The following PLCH2 variants were observed in gnomAD, a reference collection of about 807,000 sequenced individuals.
The protein encoded by PLCH2 is phospholipase C eta 2.
In PLCH2, 98 loss-of-function variants were observed where a neutral mutation model predicts 134.7. That is an observed-to-expected ratio of 0.73 (90% confidence interval 0.62 to 0.86). PLCH2 has a LOEUF of 0.86. PLCH2 is among the 40% of genes least tolerant of loss of function. The pLI is 0.00. For missense variants in PLCH2, 1,994 were observed against 1,986.6 expected (o/e 1.00, Z -0.07); for synonymous variants, 974 against 827.5 (o/e 1.18, Z -3.04).
rs1639603152 is a variant in PLCH2 at position 2,439,779 on chromosome 1, G to T, written c.115+9150G>T. Among the ~76,000 whole-genome samples the T allele has an allele frequency of 6.6e-6, 1 of 152,142 alleles. No individual in the cohort carries two copies. The highest frequency in any genetic ancestry group is 2.4e-5 in the African/African-American group (1 of 41,428). Reference sequence around the variant, plus strand: ...GGGAGAGCCCGTCAGAGTCCAGCTGGATTCTTCTCCACTGAGGAAAGGCAT... The same window carrying T: ...GGGAGAGCCCGTCAGAGTCCAGCTGTATTCTTCTCCACTGAGGAAAGGCAT... On this transcript the variant is annotated intron_variant, in intron 2 of 3. Coordinates refer to the PLCH2 transcript ENST00000609981. This position sits in a 1 kb window ranked among gnomAD's most constrained non-coding sequence, Gnocchi z 4.7.
intron 4 of PLCH2, among the ~76,000 whole-genome samples, chr1:2,484,120 TTGTTG>T (rs1642165095): frequency 6.6e-6 from 1 of 151,844 alleles, no homozygotes; most frequent in African/African-American, 2.4e-5. Context: ...TGCGTGGGTG[TTGTTG>T]ACTCCCGTAT....
rs905935787 is a variant in PLCH2 at position 2,468,074 on chromosome 1, G to A, written c.43+412G>A. On this transcript the variant is annotated intron_variant, in intron 1 of 21. Coordinates refer to the PLCH2 transcript ENST00000449969. Reference sequence around the variant, plus strand: ...CCCAGCGGATGCACACTGCTCGGGTGGGGGGCAGGTCTGGGGGTGCCAGGG... The same window carrying A: ...CCCAGCGGATGCACACTGCTCGGGTAGGGGGCAGGTCTGGGGGTGCCAGGG... 2.0e-5 allele frequency among the ~76,000 whole-genome samples: 3 copies of A among 152,280 alleles called. No individual in the cohort carries two copies. The East Asian group carries it at 5.8e-4, about 29-fold the overall frequency.
At chr1:2,426,302 T>C (rs919896153) in intron 1 of PLCH2, among the ~76,000 whole-genome samples, 9 of 152,330 alleles carry the variant, frequency 5.9e-5, no homozygotes, top group Admixed American at 5.9e-4. Context: ...TGGGGAGCAG[T>C]GTCTATGGCC....
In PLCH2 at chr1:2,498,967, T is replaced by C; in HGVS notation, c.2435-117T>C. 1 of 1,419,252 alleles carries C rather than the reference T, an allele frequency of 7.0e-7. No individual in the cohort carries two copies. Among genetic ancestry groups the C allele is most frequent in the Non-Finnish European group, 9.6e-7 (1 of 1,036,430 alleles). The allele number at this position is 1,419,252 out of a possible 1,614,324, so 87.9% of individuals were successfully genotyped here. On this transcript the variant is annotated intron_variant, in intron 18 of 21. Transcript: ENST00000378486. This position sits in a 1 kb window ranked among gnomAD's most constrained non-coding sequence, Gnocchi z 5.4. ...GGCGCCCTCCCCTCTAGGTGGGCAGTCCCGGAAGCAGCACCGGGAGTGGCA... is the reference window on the plus strand; with the variant it reads ...GGCGCCCTCCCCTCTAGGTGGGCAGCCCCGGAAGCAGCACCGGGAGTGGCA...
intron 2 of PLCH2, among the ~76,000 whole-genome samples, chr1:2,433,242 T>C (rs535097655): frequency 6.6e-6 from 1 of 152,210 alleles, no homozygotes; most frequent in South Asian, 2.1e-4. Context: ...CAGTGTGCTG[T>C]GGTGTGGGTG....
intron 2 of PLCH2, among the ~76,000 whole-genome samples, chr1:2,453,901 C>T (rs1640361758): frequency 6.6e-6 from 1 of 152,118 alleles, no homozygotes; most frequent in Admixed American, 6.5e-5. Flanking sequence ...CTGGCCTGCG[C>T]CTGCCGAGTG....
chr1:2,442,945 C>T (rs931875937), intron 2 of PLCH2, among the ~76,000 whole-genome samples: 5 of 152,216 alleles, frequency 3.3e-5, no homozygotes, highest in African/African-American at 7.2e-5. Flanking sequence ...GGGGAACCGA[C>T]GAAGTGCCTG....
chr1:2,474,689 C>T (rs955112893), upstream of PLCH2, among the ~76,000 whole-genome samples: 1 of 152,112 alleles, frequency 6.6e-6, no homozygotes, highest in Non-Finnish European at 1.5e-5. Flanking sequence ...GGAGCACCCC[C>T]AGCTGGGGCC....
At chr1:2,418,880 C>T in the PLCH2 span, among the ~76,000 whole-genome samples, 1 of 152,246 alleles carries the variant, frequency 6.6e-6, no homozygotes. Context: ...CTCTGCCCAC[C>T]TCAGCCCACA....
intron 2 of PLCH2, among the ~76,000 whole-genome samples, chr1:2,453,431 C>T (rs977524130): frequency 2.6e-4 from 39 of 152,288 alleles, no homozygotes; most frequent in African/African-American, 8.9e-4. Flanking sequence ...TCACTGGGAG[C>T]GTCTGTGCAC....
Position 2,491,182 on chromosome 1 carries a change from G to T in PLCH2, c.1516-10G>T. ...ACAGATGCCAACAGGCCGGCCTCTG[G>T]CTCCTGCAGGCATCCACCAATCGAA... On this transcript the variant is annotated splice_polypyrimidine_tract_variant and intron_variant, in intron 10 of 21. Coordinates refer to ENST00000378486, the MANE Select transcript of PLCH2 (RefSeq NM_014638.4). The T allele has an allele frequency of 6.2e-7, 1 of 1,609,766 alleles. No homozygotes were observed. The highest frequency in any genetic ancestry group is 8.5e-7 in the Non-Finnish European group (1 of 1,178,312).
At chr1:2,433,198 C>T (rs1014233248) in intron 2 of PLCH2, among the ~76,000 whole-genome samples, 4 of 152,252 alleles carry the variant, frequency 2.6e-5, no homozygotes, top group African/African-American at 9.6e-5. Flanking sequence ...CTCCCGGCCC[C>T]CGCTGTGTAC....
upstream of PLCH2, among the ~76,000 whole-genome samples, chr1:2,463,583 C>T (rs556765053): frequency 3.3e-5 from 5 of 152,344 alleles, no homozygotes; most frequent in South Asian, 6.2e-4. Flanking sequence ...TGGCGGGAGG[C>T]GGTTTCTCAG....
chr1:2,462,494 G>T (rs577380981), upstream of PLCH2, among the ~76,000 whole-genome samples: 1 of 151,270 alleles, frequency 6.6e-6, no homozygotes, highest in East Asian at 2.0e-4. Context: ...TGCCTGATGC[G>T]TGGTCTTGTC....
At chr1:2,441,759 T>G (rs998927438) in intron 2 of PLCH2, among the ~76,000 whole-genome samples, 1 of 152,038 alleles carries the variant, frequency 6.6e-6, no homozygotes, top group Non-Finnish European at 1.5e-5. Context: ...GAACTAGCCT[T>G]TCCTTGGAGG....
upstream of PLCH2, among the ~76,000 whole-genome samples, chr1:2,424,334 T>C (rs1638666073): frequency 6.6e-6 from 1 of 152,122 alleles, no homozygotes. Context: ...ATACCCTTCC[T>C]GTCTAACTGA....
rs573757604 is a variant in PLCH2, at chr1:2,479,012, G to A, written c.271+390G>A. Reference sequence around the variant, plus strand: ...GCAAACAGTGGCTCAGGCAGCCACTGGGCATGGCTGCTGGAGGGAGCAGGG... The same window carrying A: ...GCAAACAGTGGCTCAGGCAGCCACTAGGCATGGCTGCTGGAGGGAGCAGGG... On this transcript the variant is annotated intron_variant, in intron 2 of 21. Transcript: ENST00000378486. 3.3e-3 allele frequency: 746 copies of A among 225,664 alleles called. 2 individuals carry two copies. The highest frequency in any genetic ancestry group is 4.9e-3 in the Non-Finnish European group (558 of 113,026). The allele number at this position is 225,664 out of a possible 1,614,324, so 14.0% of individuals were successfully genotyped here.
In PLCH2 at chr1:2,505,088, C is replaced by T. The variant is rs550023756; in HGVS notation, c.4126C>T (p.Arg1376Trp). The change falls in exon 22 of 22, where the codon CGG becomes TGG. Residue 1376 changes from arginine (R) to tryptophan (W), a missense_variant. Around this residue, in one of 2 missense-constraint regions of PLCH2, gnomAD observed 900 missense variants for 752.3 expected, o/e 1.20. Transcript: ENST00000378486. ...LGRQGPPEEE[R>W]GTPEGACSVG... The stretch of plus-strand genomic sequence containing the variant: ...CCGGCAGGGACCCCCAGAAGAGGAG[C>T]GGGGCACCCCCGAGGGCGCCTGCTC... 41 of 1,538,576 alleles carry T rather than the reference C, an allele frequency of 2.7e-5. No homozygotes were observed. Among genetic ancestry groups the T allele is most frequent in the East Asian group, 4.9e-5 (2 of 41,180 alleles).
At chr1:2,419,018 C>T in the PLCH2 span, among the ~76,000 whole-genome samples, 4 of 152,304 alleles carry the variant, frequency 2.6e-5, no homozygotes, top group South Asian at 4.1e-4. Context: ...GGTCTGTGCC[C>T]GACGCCTCTC....
Sources: gnomAD v4.1 joint callset for allele counts (sites outside exome capture counted in the v4.1 genomes callset) on GRCh38, gnomAD v4.1.1 for gene constraint, gnomAD v4.1.1 regional missense constraint, Gnocchi (gnomAD v3.1) non-coding constraint, MANE v1.5 for transcripts, NCBI Gene and HGNC (gene_info 2026-07-23, HGNC 2026-07-21) for gene names.